WDR59: variants seen among roughly 807,000 people sequenced by gnomAD.
WDR59 encodes the protein WD repeat domain 59, also known as GATOR2 complex protein WDR59.
Under a neutral mutation model 131.2 loss-of-function variants are expected in WDR59, and 100 were observed. That is an observed-to-expected ratio of 0.76 (90% confidence interval 0.65 to 0.90). The LOEUF (loss-of-function observed/expected upper bound fraction) is 0.90. Among genes scored for constraint, WDR59 ranks in the 40% least tolerant of loss-of-function variants. WDR59 has a pLI of 0.00. For missense variants in WDR59, 1,203 were observed against 1,262.2 expected (o/e 0.95, Z 0.71); for synonymous variants, 601 against 466.2 (o/e 1.29, Z -3.72).
intron 8 of WDR59, among the ~76,000 whole-genome samples, chr16:74,930,177 GAAC>G (rs2031252139): frequency 6.6e-6 from 1 of 152,074 alleles, no homozygotes; most frequent in African/African-American, 2.4e-5. Flanking sequence ...GTACATTTAA[GAAC>G]AACTGAAAGG....
chr16:74,969,623 G>A (rs998046083), intron 1 of WDR59, among the ~76,000 whole-genome samples: 8 of 151,834 alleles, frequency 5.3e-5, no homozygotes, highest in Admixed American at 5.3e-4. Context: ...TGCCCAGGCT[G>A]GAGTGCAATG....
chr16:74,946,173 G>C (rs932389638), intron 6 of WDR59, among the ~76,000 whole-genome samples: 1 of 152,090 alleles, frequency 6.6e-6, no homozygotes, highest in Non-Finnish European at 1.5e-5. Context: ...ATTATTATTA[G>C]TTGTTGCTGT....
At chr16:74,931,524 A>G (rs979397464) in intron 8 of WDR59, among the ~76,000 whole-genome samples, 5 of 151,902 alleles carry the variant, frequency 3.3e-5, no homozygotes, top group South Asian at 2.1e-4. Context: ...TGTTGCAGAG[A>G]TGGGGTTTTG....
chr16:74,941,795 C>A (rs1005429233), intron 7 of WDR59, among the ~76,000 whole-genome samples: 1 of 152,150 alleles, frequency 6.6e-6, no homozygotes, highest in Non-Finnish European at 1.5e-5. Context: ...TAAGGCTTCC[C>A]CAGCATGTCC....
rs201962043 is a variant in WDR59 at position 74,916,157 on chromosome 16, G to A, written c.1069C>T (p.Gln357Ter). Residue 357 changes from glutamine to a stop codon, truncating the protein, a stop_gained, in exon 12 of 26, where the codon CAG becomes TAG. Coordinates refer to ENST00000262144, the MANE Select transcript of WDR59 (RefSeq NM_030581.4). LOFTEE classifies it high-confidence loss of function. ...TCCTCCCCATGGCTTGCAGTGTGCT[G>A]GTGATCTGTATCTTCAGTGTGCAGG... ...KTLHTEDTDH[Q>*]HTASHGEEEA... 2 of 1,614,152 alleles carry A rather than the reference G, an allele frequency of 1.2e-6. No homozygotes were observed. The highest frequency in any genetic ancestry group is 1.7e-6 in the Non-Finnish European group (2 of 1,180,032).
Position 74,874,899 on chromosome 16 carries a change from TTTG to T in WDR59, c.2690-458_2690-456del, listed in dbSNP as rs757914007. On this transcript the variant is annotated intron_variant, in intron 25 of 25. Coordinates refer to ENST00000262144, the MANE Select transcript of WDR59 (RefSeq NM_030581.4). ...AGCCACTGTGCCCAGCCTGTTTTTTTTTGTTTTTTTTACACCAGAACTCCTTCT... is the reference window on the plus strand; with the variant it reads ...AGCCACTGTGCCCAGCCTGTTTTTTTTTTTTTTTACACCAGAACTCCTTCT... 3.3e-4 allele frequency among the ~76,000 whole-genome samples: 50 copies of T among 151,962 alleles called. 2 individuals are homozygous for T. In the South Asian group the frequency reaches 5.8e-3, roughly 18 times the overall value.
rs1460756718 is a variant in WDR59, at chr16:74,912,260, G to T, written c.1327C>A (p.Pro443Thr). ...FPAQYPNNAA[P>T]SFQFINPTTI... ...GTGGGGTTAATAAACTGGAAGGAAG[G>T]GGCGGCGTTGTTTGGGTACTGTGCA... The change falls in exon 14 of 26, where the codon CCT becomes ACT. Residue 443 changes from proline to threonine, a missense_variant. By Grantham distance (38) the Pro-to-Thr change is conservative. Coordinates refer to ENST00000262144, the MANE Select transcript of WDR59 (RefSeq NM_030581.4). 6 of 1,614,042 alleles carry T rather than the reference G, an allele frequency of 3.7e-6. No homozygotes were observed. Among genetic ancestry groups the T allele is most frequent in the Non-Finnish European group, 5.1e-6 (6 of 1,180,032 alleles).
chr16:74,954,528 G>A (rs74903438), intron 3 of WDR59, among the ~76,000 whole-genome samples: 7 of 152,298 alleles, frequency 4.6e-5, no homozygotes, highest in Non-Finnish European at 1.0e-4. Context: ...GGAAAAACTG[G>A]AACTCTGTGC....
At chr16:74,941,467 G>A (rs946510357) in intron 7 of WDR59, among the ~76,000 whole-genome samples, 6 of 152,076 alleles carry the variant, frequency 3.9e-5, no homozygotes, top group African/African-American at 1.4e-4. Context: ...GCCGAGGTGG[G>A]CAGATCACTT....
At chr16:74,938,082 G>A in intron 8 of WDR59, 68 bp downstream of exon 8, 1 of 1,114,300 alleles carries the variant, frequency 9.0e-7, no homozygotes, top group South Asian at 1.8e-5. Flanking sequence ...TTCCAACCAA[G>A]GTGGAATCAT....
At chr16:74,885,440 T>C (rs1350462857) in intron 25 of WDR59, among the ~76,000 whole-genome samples, 1 of 90,114 alleles carries the variant, frequency 1.1e-5, no homozygotes. Flanking sequence ...AAGAGTGAGA[T>C]TCCATCTCAA....
At chr16:74,974,547 G>T (rs1181448419) in intron 1 of WDR59, among the ~76,000 whole-genome samples, 1 of 152,112 alleles carries the variant, frequency 6.6e-6, no homozygotes, top group Non-Finnish European at 1.5e-5. Context: ...TCCTTGCGAG[G>T]CCTGCTTGCA....
chr16:74,924,218 T>C (rs1033998545), intron 8 of WDR59, among the ~76,000 whole-genome samples: 1 of 152,326 alleles, frequency 6.6e-6, no homozygotes, highest in Non-Finnish European at 1.5e-5. Context: ...TTCTGGACTT[T>C]ATGAGGACCA....
intron 1 of WDR59, among the ~76,000 whole-genome samples, chr16:74,984,135 G>A (rs2034531932): frequency 6.6e-6 from 1 of 151,902 alleles, no homozygotes; most frequent in Non-Finnish European, 1.5e-5. Flanking sequence ...AAATTAGCCG[G>A]GCGTGGTGGT....
chr16:74,950,387 G>C (rs2032925170), intron 4 of WDR59, among the ~76,000 whole-genome samples: 1 of 152,098 alleles, frequency 6.6e-6, no homozygotes, highest in Admixed American at 6.6e-5. Flanking sequence ...AACAAACAAA[G>C]GAAAAACACA....
chr16:74,874,107 T>C lies in WDR59; in HGVS notation c.*102A>G. On this transcript the variant is annotated 3_prime_UTR_variant, in exon 26 of 26. Coordinates refer to ENST00000262144, the MANE Select transcript of WDR59 (RefSeq NM_030581.4). The stretch of plus-strand genomic sequence containing the variant: ...TTGGGGGATCATCCTCCGGTCTCAC[T>C]GGGGACGAACCCAGGTTCTGGAGCC... The C allele has an allele frequency of 1.0e-6, 1 of 995,772 alleles. No homozygotes were observed. The highest frequency in any genetic ancestry group is 1.6e-5 in the South Asian group (1 of 63,028). 61.7% of individuals were successfully genotyped at this position (995,772 alleles called of 1,614,324 possible). A position where few individuals can be genotyped will look rare whatever the true frequency, so the allele number is the denominator to read the frequency against.
chr16:74,963,664 T>C (rs968620351), intron 2 of WDR59, among the ~76,000 whole-genome samples: 2 of 152,094 alleles, frequency 1.3e-5, no homozygotes, highest in Non-Finnish European at 2.9e-5. Context: ...GATGGGTTGA[T>C]AGGTGCAGCA....
At chr16:74,896,350 C>T (rs1169283478) in intron 18 of WDR59, among the ~76,000 whole-genome samples, 3 of 152,180 alleles carry the variant, frequency 2.0e-5, no homozygotes, top group Non-Finnish European at 4.4e-5. Flanking sequence ...TAACCATGGG[C>T]CAAGTGCAGT....
intron 5 of WDR59, among the ~76,000 whole-genome samples, chr16:74,949,348 A>G (rs1381295476): frequency 6.8e-6 from 1 of 147,102 alleles, no homozygotes; most frequent in Non-Finnish European, 1.5e-5. Context: ...AAAAAAAAAA[A>G]AAAAAAGAAA....
Sources: allele counts gnomAD v4.1 joint callset (sites outside exome capture counted in the v4.1 genomes callset), GRCh38; gene constraint gnomAD v4.1.1; transcripts MANE v1.5; gene names NCBI Gene and HGNC (gene_info 2026-07-23, HGNC 2026-07-21).